The following FSTL5 variants were observed in gnomAD, a reference collection of about 807,000 sequenced individuals.
The protein encoded by FSTL5 is follistatin like 5.
FSTL5 carries 62 observed loss-of-function variants against 89.1 expected under a neutral mutation model. The ratio of observed to expected loss-of-function variants is 0.70; its 90% CI spans 0.57 to 0.86. The LOEUF (loss-of-function observed/expected upper bound fraction) is 0.86, where lower values mean the gene tolerates loss of function less well. Ranked by LOEUF, FSTL5 falls within the 40% of genes least tolerant of loss-of-function variation. The pLI is 0.00. For missense variants in FSTL5, 1,057 were observed against 1,001.6 expected (o/e 1.06, Z -0.75); for synonymous variants, 383 against 346.2 (o/e 1.11, Z -1.18).
chr4:161,701,172 T>A (rs192238947), intron 6 of FSTL5, among the ~76,000 whole-genome samples: 40 of 152,326 alleles, frequency 2.6e-4, no homozygotes, highest in Admixed American at 2.5e-3. Context: ...ACACAAAACA[T>A]CCTTCAGTCT....
chr4:161,861,299 G>T (rs757916741), intron 4 of FSTL5, among the ~76,000 whole-genome samples: 1 of 152,218 alleles, frequency 6.6e-6, no homozygotes, highest in East Asian at 1.9e-4. Context: ...GGTGCGTGCC[G>T]CAATCGCAGC....
At chr4:162,129,202 G>A (rs1034801010) in intron 1 of FSTL5, among the ~76,000 whole-genome samples, 1 of 152,118 alleles carries the variant, frequency 6.6e-6, no homozygotes, top group Non-Finnish European at 1.5e-5. Flanking sequence ...CAAAGTGCTG[G>A]GATTACAGGT....
At chr4:161,517,352 A>G (rs1464508380) in intron 10 of FSTL5, among the ~76,000 whole-genome samples, 2 of 152,128 alleles carry the variant, frequency 1.3e-5, no homozygotes, top group African/African-American at 4.8e-5. Flanking sequence ...GAACAATAAA[A>G]CCCTCAAAGT....
intron 8 of FSTL5, among the ~76,000 whole-genome samples, chr4:161,572,084 T>TG (rs1416767156): frequency 6.6e-6 from 1 of 151,248 alleles, no homozygotes; most frequent in Non-Finnish European, 1.5e-5. Context: ...CCGAGGCGGG[T>TG]GGATCACCTG....
chr4:161,515,451 C>T (rs1397728882), intron 10 of FSTL5, among the ~76,000 whole-genome samples: 1 of 152,032 alleles, frequency 6.6e-6, no homozygotes, highest in Non-Finnish European at 1.5e-5. Context: ...AGGTGATCCA[C>T]CCACCTTGGC....
chr4:161,413,446 GA>G (rs1731666990), intron 15 of FSTL5, among the ~76,000 whole-genome samples: 1 of 152,084 alleles, frequency 6.6e-6, no homozygotes, highest in Non-Finnish European at 1.5e-5. Flanking sequence ...AGGTTGTGGA[GA>G]AAAAGGCATG....
At chr4:161,656,515 TA>T (rs775352524) in intron 6 of FSTL5, 21 bp from the exon 7 acceptor site, 1 of 1,473,110 alleles carries the variant, frequency 6.8e-7, no homozygotes, top group South Asian at 1.5e-5. Context: ...GAAGTGTCAG[TA>T]ATGTTGATGA....
At position 161,655,134 on chromosome 4, in the gene FSTL5, A is replaced by AT. The variant is rs202081967; in HGVS notation, c.894+1193dup. 7.6e-3 allele frequency among the ~76,000 whole-genome samples: 1,158 copies of AT among 152,148 alleles called. 21 individuals carry two copies. The highest frequency in any genetic ancestry group is 0.027 in the African/African-American group (1,121 of 41,528). ...CAAAAAGTGTCTTTATTGTCTTTTG[A>AT]TTTTTCACAAGCTATAGGCTGTTTC... On this transcript the variant is annotated intron_variant, in intron 7 of 15. Transcript: ENST00000306100.
chr4:161,396,579 G>T, intron 15 of FSTL5, among the ~76,000 whole-genome samples: 1 of 151,562 alleles, frequency 6.6e-6, no homozygotes. Context: ...GCTTGAACCT[G>T]GGAGGCAGAG....
At chr4:161,476,190 TTTGTTTG>T (rs1560913676) in intron 13 of FSTL5, among the ~76,000 whole-genome samples, 3 of 61,106 alleles carry the variant, frequency 4.9e-5, no homozygotes, top group East Asian at 1.5e-3. Context: ...TTTTTTTTTG[TTTGTTTG>T]TTTTTTTGAG....
intron 2 of FSTL5, among the ~76,000 whole-genome samples, chr4:162,049,108 G>T (rs924825264): frequency 6.6e-6 from 1 of 152,050 alleles, no homozygotes; most frequent in Non-Finnish European, 1.5e-5. Context: ...TATAGACATG[G>T]GTTTCCATGC....
intron 3 of FSTL5, among the ~76,000 whole-genome samples, chr4:161,937,043 A>G (rs1734452250): frequency 6.6e-6 from 1 of 152,184 alleles, no homozygotes; most frequent in Admixed American, 6.6e-5. Context: ...GCCAGCATTA[A>G]GTAGGCATGT....
chr4:161,985,084 G>A (rs898239874), intron 3 of FSTL5, among the ~76,000 whole-genome samples: 17 of 151,942 alleles, frequency 1.1e-4, no homozygotes, highest in African/African-American at 3.1e-4. Context: ...AGCCTCCGGA[G>A]TAGTTGAGAT....
chr4:161,705,500 A>C (rs1738536337), intron 6 of FSTL5, among the ~76,000 whole-genome samples: 1 of 152,126 alleles, frequency 6.6e-6, no homozygotes, highest in African/African-American at 2.4e-5. Flanking sequence ...GCCTCAGTTC[A>C]AATTGGAAGG....
chr4:161,451,048 C>T (rs1157363751), intron 15 of FSTL5, among the ~76,000 whole-genome samples: 2 of 151,950 alleles, frequency 1.3e-5, no homozygotes, highest in Non-Finnish European at 2.9e-5. Context: ...CCGGCCCATT[C>T]ATCTTCATTT....
intron 4 of FSTL5, among the ~76,000 whole-genome samples, chr4:161,844,356 A>G (rs1204593120): frequency 6.6e-6 from 1 of 152,190 alleles, no homozygotes; most frequent in Non-Finnish European, 1.5e-5. Flanking sequence ...TAGTTCAACC[A>G]TTGTGGAAGA....
intron 15 of FSTL5, among the ~76,000 whole-genome samples, chr4:161,429,191 G>A (rs183208550): frequency 2.6e-5 from 4 of 152,206 alleles, no homozygotes; most frequent in East Asian, 3.9e-4. Flanking sequence ...CAGCTTAGTT[G>A]CAGTAGAATA....
intron 3 of FSTL5, among the ~76,000 whole-genome samples, chr4:161,946,212 T>C (rs765370258): frequency 6.6e-6 from 1 of 152,168 alleles, no homozygotes. Context: ...TGATTCTAAA[T>C]TGTACATTCT....
intron 3 of FSTL5, among the ~76,000 whole-genome samples, chr4:161,965,223 C>T (rs1057510284): frequency 2.0e-5 from 3 of 152,086 alleles, no homozygotes; most frequent in African/African-American, 7.2e-5. Context: ...TTTTCAAAAT[C>T]TCCAGCACCT....
Sources: allele counts gnomAD v4.1 joint callset (sites outside exome capture counted in the v4.1 genomes callset), GRCh38; gene constraint gnomAD v4.1.1; transcripts MANE v1.5; gene names NCBI Gene and HGNC (gene_info 2026-07-23, HGNC 2026-07-21).